The following TEAD4 variants were observed in gnomAD, a reference collection of about 807,000 sequenced individuals.
TEAD4 encodes the protein TEA domain transcription factor 4.
A neutral mutation model predicts 52.4 loss-of-function variants in TEAD4; 36 were observed. The observed-to-expected ratio is 0.69, with a 90% CI of 0.53 to 0.91. The LOEUF (loss-of-function observed/expected upper bound fraction) is 0.91. Ranked by LOEUF, TEAD4 falls within the 40% of genes least tolerant of loss-of-function variation. TEAD4 has a pLI of 0.00. For missense variants in TEAD4, 508 were observed against 583.9 expected, an observed-to-expected ratio of 0.87 and a Z score of 1.34; for synonymous variants, 220 against 231.0, an observed-to-expected ratio of 0.95 and a Z score of 0.43.
At position 3,021,870 on chromosome 12, in the gene TEAD4, T is replaced by C. The variant is rs1314727932; in HGVS notation, c.750T>C (p.Ile250=). ...ACAACAAGCACCTGTTCGTGCACATTGGCCAGTCCAGCCCAAGCTACAGCG... is the reference window on the plus strand; with the variant it reads ...ACAACAAGCACCTGTTCGTGCACATCGGCCAGTCCAGCCCAAGCTACAGCG... The change falls in exon 10 of 13, where the codon ATT becomes ATC. Residue 250 remains isoleucine, a synonymous_variant. Coordinates refer to ENST00000359864, the MANE Select transcript of TEAD4 (RefSeq NM_003213.4). 1 of 1,614,186 alleles carries C rather than the reference T, an allele frequency of 6.2e-7. No individual in the cohort carries two copies. Among genetic ancestry groups the C allele is most frequent in the South Asian group, 1.1e-5 (1 of 91,084 alleles).
chr12:2,981,991 T>C (rs2098234398), intron 2 of TEAD4, among the ~76,000 whole-genome samples: 1 of 152,080 alleles, frequency 6.6e-6, no homozygotes, highest in South Asian at 2.1e-4. Flanking sequence ...GTGAGGGGCT[T>C]AGGGATCACA....
intron 6 of TEAD4, 98 bp downstream of exon 6, chr12:3,017,624 C>A (rs750714673): frequency 4.8e-6 from 7 of 1,455,644 alleles, no homozygotes; most frequent in Non-Finnish European, 6.4e-6. Flanking sequence ...CCAGATTTCT[C>A]TCACCTGAGT....
chr12:2,975,190 A>T (rs2098228542), intron 2 of TEAD4, among the ~76,000 whole-genome samples: 1 of 150,316 alleles, frequency 6.7e-6, no homozygotes, highest in Middle Eastern at 3.4e-3. Flanking sequence ...AAACAAAAAA[A>T]GACTATAATT....
intron 2 of TEAD4, among the ~76,000 whole-genome samples, chr12:2,985,501 C>CTT (rs560522260): frequency 0.014 from 1,174 of 83,030 alleles, 70 homozygotes; most frequent in Non-Finnish European, 0.017. Context: ...TTTACAAAAT[C>CTT]TTTTTTTTTT....
chr12:3,034,018 G>A (rs1014973156), intron 10 of TEAD4, among the ~76,000 whole-genome samples: 2 of 151,440 alleles, frequency 1.3e-5, no homozygotes, highest in African/African-American at 4.9e-5. Context: ...CATGAGTTCT[G>A]GGGCTGATTG....
intron 10 of TEAD4, among the ~76,000 whole-genome samples, chr12:3,022,595 C>T (rs565288960): frequency 1.4e-4 from 21 of 152,330 alleles, no homozygotes; most frequent in South Asian, 4.1e-4. Context: ...TGCTGCCCTC[C>T]CACCTCACCC....
intron 10 of TEAD4, among the ~76,000 whole-genome samples, chr12:3,034,596 T>C (rs2098278152): frequency 6.6e-6 from 1 of 152,168 alleles, no homozygotes; most frequent in Admixed American, 6.5e-5. Flanking sequence ...CTTGGCACAC[T>C]GGATTCTTCT....
intron 3 of TEAD4, among the ~76,000 whole-genome samples, chr12:3,010,783 T>C (rs1359176681): frequency 6.6e-6 from 1 of 152,112 alleles, no homozygotes; most frequent in African/African-American, 2.4e-5. Flanking sequence ...GTTAACCTTG[T>C]TCTCGGGTTT....
intron 10 of TEAD4, among the ~76,000 whole-genome samples, chr12:3,028,688 C>A (rs149544285): frequency 6.6e-6 from 1 of 151,838 alleles, no homozygotes; most frequent in Non-Finnish European, 1.5e-5. Context: ...TGGAGTACAG[C>A]GGCGTAATTT....
At chr12:3,004,280 A>G (rs564922770) in intron 3 of TEAD4, among the ~76,000 whole-genome samples, 1 of 152,340 alleles carries the variant, frequency 6.6e-6, no homozygotes, top group East Asian at 1.9e-4. Context: ...CTGGGGGGAA[A>G]TAGCCAGCAT....
intron 10 of TEAD4, among the ~76,000 whole-genome samples, chr12:3,033,900 G>A (rs1040487946): frequency 6.8e-6 from 1 of 146,758 alleles, no homozygotes; most frequent in African/African-American, 2.7e-5. Context: ...GCAGGAGAAG[G>A]GGTGAGGCTG....
At chr12:3,013,152 A>G (rs936503324) in intron 5 of TEAD4, among the ~76,000 whole-genome samples, 3 of 149,946 alleles carry the variant, frequency 2.0e-5, no homozygotes, top group East Asian at 4.0e-4. Context: ...AGGTCTCCCT[A>G]TTTTGCCTGA....
intron 3 of TEAD4, among the ~76,000 whole-genome samples, chr12:3,005,658 G>A (rs1023265545): frequency 9.3e-5 from 14 of 150,586 alleles, no homozygotes; most frequent in South Asian, 4.2e-4. Context: ...CACCATGCCC[G>A]GCTATATTTT....
At chr12:3,009,517 A>C (rs1385764794) in intron 3 of TEAD4, among the ~76,000 whole-genome samples, 1 of 152,252 alleles carries the variant, frequency 6.6e-6, no homozygotes, top group Non-Finnish European at 1.5e-5. Flanking sequence ...CCCAAAGCTC[A>C]TTGGTGGAGC....
chr12:3,017,532 TG>T lies in TEAD4; in HGVS notation c.483+9del. 6.2e-7 allele frequency: 1 copy of T among 1,611,376 alleles called. No homozygotes were observed. The highest frequency in any genetic ancestry group is 1.3e-5 in the African/African-American group (1 of 74,886). On this transcript the variant is annotated splice_region_variant and intron_variant, in intron 6 of 12. Transcript: ENST00000359864. ...GCCGCCCAGCAGTCTCAGGGGTAAG[TG>T]GGCTGCCGAGAGCTGGAGGCCAGGC...
rs539833712 is a variant in TEAD4, at chr12:2,969,588, C to T, written c.-30+9548C>T. 6.6e-4 allele frequency among the ~76,000 whole-genome samples: 101 copies of T among 152,322 alleles called. 3 individuals carry two copies. The South Asian group carries it at 0.012, about 18-fold the overall frequency. The stretch of plus-strand genomic sequence containing the variant: ...CCTGGGCCTCAGTTTCTCCACATAT[C>T]AGCATGCGGGGATTCCACTAGATGA... On this transcript the variant is annotated intron_variant, in intron 2 of 12. Transcript: ENST00000359864.
chr12:2,962,263 CAT>C (rs986858938), intron 2 of TEAD4, among the ~76,000 whole-genome samples: 1 of 124,066 alleles, frequency 8.1e-6, no homozygotes, highest in Admixed American at 8.4e-5. Flanking sequence ...CGGCTAGTTT[CAT>C]ATATATATAT....
intron 2 of TEAD4, among the ~76,000 whole-genome samples, chr12:2,971,051 C>T (rs1330051189): frequency 6.6e-6 from 1 of 152,246 alleles, no homozygotes; most frequent in African/African-American, 2.4e-5. Flanking sequence ...TCACCCAATC[C>T]ACAGCAGCCA....
rs1337181746 is a variant in TEAD4, at chr12:3,017,429, G to T, written c.386G>T (p.Ser129Ile). 6.2e-7 allele frequency: 1 copy of T among 1,614,150 alleles called. No individual in the cohort carries two copies. Among genetic ancestry groups the T allele is most frequent in the Non-Finnish European group, 8.5e-7 (1 of 1,180,038 alleles). ...GCAGCTAAGGACAAGGCCCTGCAGA[G>T]CATGGCTGCCATGTCGTCTGCACAG... is the stretch of plus-strand genomic sequence containing the variant. The change falls in exon 6 of 13, where the codon AGC (serine) becomes ATC (isoleucine). Residue 129 changes from serine (S) to isoleucine (I), a missense_variant. Physicochemically the swap from Ser to Ile is moderately radical, Grantham distance 142. Coordinates refer to ENST00000359864, the MANE Select transcript of TEAD4 (RefSeq NM_003213.4).
Sources: gnomAD v4.1 joint callset for allele counts (sites outside exome capture counted in the v4.1 genomes callset) on GRCh38, gnomAD v4.1.1 for gene constraint, MANE v1.5 for transcripts, NCBI Gene and HGNC (gene_info 2026-07-23, HGNC 2026-07-21) for gene names.